The following STK35 variants were observed in gnomAD, a reference collection of about 807,000 sequenced individuals.
STK35 encodes the protein serine/threonine kinase 35.
Under a neutral mutation model 37.3 loss-of-function variants are expected in STK35, and 17 were observed. The observed-to-expected ratio is 0.46, with a 90% CI of 0.31 to 0.68. The LOEUF (loss-of-function observed/expected upper bound fraction) is 0.68, where lower values mean the gene tolerates loss of function less well. Ranked by LOEUF, STK35 falls within the 30% of genes least tolerant of loss-of-function variation. The pLI is 0.05. For synonymous variants in STK35, 385 were observed against 319.1 expected (o/e 1.21, Z -2.20); for missense variants, 595 against 746.7 (o/e 0.80, Z 2.37).
At chr20:2,128,634 C>T (rs922481717) in intron 3 of STK35, among the ~76,000 whole-genome samples, 1 of 152,068 alleles carries the variant, frequency 6.6e-6, no homozygotes, top group African/African-American at 2.4e-5. Context: ...GTGGGCTTCC[C>T]TGGGGAAGTG....
intron 3 of STK35, among the ~76,000 whole-genome samples, chr20:2,138,396 G>A (rs972683004): frequency 5.3e-5 from 8 of 152,178 alleles, no homozygotes; most frequent in African/African-American, 1.9e-4. Context: ...TGGGTCAGGT[G>A]CCATGACAGG....
chr20:2,104,038 TC>T (rs1165980498), intron 2 of STK35, among the ~76,000 whole-genome samples: 2 of 152,196 alleles, frequency 1.3e-5, no homozygotes, highest in African/African-American at 2.4e-5. Context: ...CGTTTTACAT[TC>T]TTAATCTTTT....
chr20:2,104,274 G>A (rs374215287), intron 2 of STK35, among the ~76,000 whole-genome samples: 34 of 152,186 alleles, frequency 2.2e-4, no homozygotes, highest in African/African-American at 8.2e-4. Flanking sequence ...TAGAAAGTTT[G>A]AGGAGACTTT....
chr20:2,132,380 A>C (rs952201500), intron 3 of STK35, among the ~76,000 whole-genome samples: 1 of 152,286 alleles, frequency 6.6e-6, no homozygotes, highest in South Asian at 2.1e-4. Context: ...CCAAAGACAG[A>C]ACACTGGAAT....
intron 3 of STK35, among the ~76,000 whole-genome samples, chr20:2,124,145 A>G (rs73892026): frequency 0.011 from 1,733 of 152,268 alleles, 30 homozygotes; most frequent in African/African-American, 0.037. Flanking sequence ...TGAATTCAAC[A>G]AATAACTGAG....
chr20:2,142,611 C>T (rs2122592576), intron 3 of STK35, among the ~76,000 whole-genome samples: 1 of 152,272 alleles, frequency 6.6e-6, no homozygotes, highest in Non-Finnish European at 1.5e-5. Flanking sequence ...TAAAAATTAG[C>T]CTGGCGTGGT....
chr20:2,125,536 A>G (rs1434686944), intron 3 of STK35, among the ~76,000 whole-genome samples: 3 of 152,212 alleles, frequency 2.0e-5, no homozygotes, highest in Non-Finnish European at 4.4e-5. Flanking sequence ...CTTTTAATGA[A>G]TTTCTATTCT....
intron 3 of STK35, among the ~76,000 whole-genome samples, chr20:2,121,946 G>A (rs1985825779): frequency 6.6e-6 from 1 of 152,188 alleles, no homozygotes; most frequent in African/African-American, 2.4e-5. Context: ...AGTTGTCAAA[G>A]TATTTTGTCT....
At chr20:2,111,175 T>A (rs1004576518) in intron 2 of STK35, among the ~76,000 whole-genome samples, 1 of 152,200 alleles carries the variant, frequency 6.6e-6, no homozygotes, top group Non-Finnish European at 1.5e-5. Context: ...AGCCTCTTGA[T>A]AAGTCAGTCG....
intron 2 of STK35, among the ~76,000 whole-genome samples, chr20:2,106,524 A>G (rs990779413): frequency 7.2e-5 from 11 of 152,372 alleles, no homozygotes; most frequent in South Asian, 6.2e-4. Context: ...ATGCTATTCA[A>G]GATCACTGGA....
intron 3 of STK35, among the ~76,000 whole-genome samples, chr20:2,121,725 A>G (rs937622210): frequency 1.3e-5 from 2 of 152,190 alleles, no homozygotes; most frequent in African/African-American, 4.8e-5. Flanking sequence ...GAAAGGAGCC[A>G]GAGAGAGGGG....
intron 3 of STK35, among the ~76,000 whole-genome samples, chr20:2,120,200 C>T (rs1371546939): frequency 3.3e-5 from 5 of 152,152 alleles, no homozygotes; most frequent in African/African-American, 4.8e-5. Flanking sequence ...ATTTAGGTTA[C>T]GATTATGGGG....
chr20:2,111,844 C>T (rs1042710280), intron 2 of STK35, among the ~76,000 whole-genome samples: 14 of 152,206 alleles, frequency 9.2e-5, no homozygotes, highest in East Asian at 1.9e-4. Context: ...GTGTCCCTGG[C>T]GCACACCCAC....
At chr20:2,103,970 A>C (rs907514215) in intron 2 of STK35, among the ~76,000 whole-genome samples, 1 of 151,914 alleles carries the variant, frequency 6.6e-6, no homozygotes, top group African/African-American at 2.4e-5. Flanking sequence ...CAGGCTGACA[A>C]CCCTCACAGG....
chr20:2,129,316 C>T (rs972611618), intron 3 of STK35, among the ~76,000 whole-genome samples: 4 of 152,264 alleles, frequency 2.6e-5, no homozygotes, highest in Middle Eastern at 3.4e-3. Flanking sequence ...GGGTTGCTAA[C>T]ACCTGGAGGG....
intron 3 of STK35, among the ~76,000 whole-genome samples, chr20:2,132,442 A>G (rs913447145): frequency 2.0e-5 from 3 of 152,274 alleles, no homozygotes; most frequent in African/African-American, 7.2e-5. Context: ...TAGAGTAGAA[A>G]GCTAAATAGG....
In STK35 at chr20:2,117,462, G is replaced by A. The variant is rs79619597; in HGVS notation, c.*37+47G>A. ...TTTTTGTTTTTTGTTTTGAGACAGG[G>A]TCTCACTCTGTTGGTCAGGCTGGGG... is the stretch of plus-strand genomic sequence containing the variant. On this transcript the variant is annotated intron_variant, in intron 3 of 3. Transcript: ENST00000381482. The surrounding 1 kb of genome is among the most constrained non-coding windows in gnomAD (Gnocchi z 4.4). The A allele has an allele frequency of 1.1e-5, 12 of 1,139,606 alleles. No individual in the cohort carries two copies. The African/African-American group carries it at 1.7e-4, about 16-fold the overall frequency. The allele number at this position is 1,139,606 out of a possible 1,614,324, so 70.6% of individuals were successfully genotyped here. A position where few individuals can be genotyped will look rare whatever the true frequency, so the allele number is the denominator to read the frequency against.
chr20:2,142,870 G>C (rs146963080), intron 3 of STK35, among the ~76,000 whole-genome samples: 97 of 152,338 alleles, frequency 6.4e-4, no homozygotes, highest in Non-Finnish European at 9.4e-4. Context: ...GCTCAGAGTG[G>C]GCGCTGCCCA....
At chr20:2,119,015 CTG>C (rs1051496489) in intron 3 of STK35, among the ~76,000 whole-genome samples, 26 of 152,320 alleles carry the variant, frequency 1.7e-4, no homozygotes, top group African/African-American at 4.6e-4. Context: ...CGACCCATAA[CTG>C]TATGTGCTAG....
Sources: allele counts gnomAD v4.1 joint callset (sites outside exome capture counted in the v4.1 genomes callset), GRCh38; gene constraint gnomAD v4.1.1; non-coding constraint Gnocchi (gnomAD v3.1); transcripts MANE v1.5; gene names NCBI Gene and HGNC (gene_info 2026-07-23, HGNC 2026-07-21).